Variants in RNLS observed in about 807,000 individuals in gnomAD.
The protein encoded by RNLS is renalase.
RNLS carries 39 observed loss-of-function variants against 39.8 expected under a neutral mutation model. The observed-to-expected ratio is 0.98, with a 90% CI of 0.76 to 1.28. The LOEUF (loss-of-function observed/expected upper bound fraction) is 1.28, where lower values mean the gene tolerates loss of function less well. Ranked by LOEUF, RNLS falls within the 50% of genes most tolerant of loss-of-function variation. RNLS has a pLI of 0.00. For missense variants in RNLS, 410 were observed against 413.3 expected (o/e 0.99, Z 0.07); for synonymous variants, 147 against 150.7 (o/e 0.98, Z 0.18).
At chr10:88,203,411 T>C in the RNLS span, among the ~76,000 whole-genome samples, 2 of 4,312 alleles carry the variant, frequency 4.6e-4, 1 homozygote. Context: ...TATATATATA[T>C]ACACGTATGT....
intron 4 of RNLS, among the ~76,000 whole-genome samples, chr10:88,465,054 T>C (rs956233174): frequency 1.3e-5 from 2 of 152,094 alleles, no homozygotes; most frequent in African/African-American, 2.4e-5. Context: ...GCTCACGATA[T>C]AGGCTGTTAT....
Position 88,457,864 on chromosome 10 carries a change from G to A in RNLS, c.527-95139C>T, listed in dbSNP as rs17112345. On this transcript the variant is annotated intron_variant, in intron 4 of 6. Coordinates refer to ENST00000331772, the MANE Select transcript of RNLS (RefSeq NM_001031709.3). ...TGAATGTCTTGAAGCTAGATTTGAC[G>A]TCACAGACAGCAGGCAGCACAGAGG... Among the ~76,000 whole-genome samples the A allele has an allele frequency of 7.6e-3, 1,154 of 152,252 alleles. 11 individuals carry two copies. The highest frequency in any genetic ancestry group is 0.024 in the African/African-American group (1,017 of 41,544).
chr10:88,315,911 G>T (rs1845729481), intron 5 of RNLS, among the ~76,000 whole-genome samples: 2 of 151,980 alleles, frequency 1.3e-5, no homozygotes, highest in South Asian at 4.1e-4. Context: ...CTAAGCTATG[G>T]GAATGGAAGC....
At chr10:88,206,045 C>T in the RNLS span, among the ~76,000 whole-genome samples, 1 of 152,302 alleles carries the variant, frequency 6.6e-6, no homozygotes, top group East Asian at 1.9e-4. Context: ...TTTCAGAGCA[C>T]TGGGGCTCAA....
intron 5 of RNLS, among the ~76,000 whole-genome samples, chr10:88,315,374 A>G (rs1230975234): frequency 6.6e-6 from 1 of 152,222 alleles, no homozygotes; most frequent in Non-Finnish European, 1.5e-5. Context: ...TCTGAGTTGA[A>G]AGAAACCTAA....
intron 4 of RNLS, among the ~76,000 whole-genome samples, chr10:88,544,802 T>C (rs1038832434): frequency 6.6e-6 from 1 of 152,220 alleles, no homozygotes; most frequent in African/African-American, 2.4e-5. Flanking sequence ...CAGTCTTCTT[T>C]CATGGCTTTG....
downstream of RNLS, among the ~76,000 whole-genome samples, chr10:88,269,816 A>T (rs1363637660): frequency 6.6e-6 from 1 of 152,158 alleles, no homozygotes; most frequent in Non-Finnish European, 1.5e-5. Context: ...TATAACTTCT[A>T]TGACTATAGC....
the RNLS span, among the ~76,000 whole-genome samples, chr10:88,224,901 G>A: frequency 1.3e-5 from 2 of 152,244 alleles, no homozygotes; most frequent in East Asian, 1.9e-4. Flanking sequence ...TATGAGATTG[G>A]ACATTTTATT....
At chr10:88,227,311 CAT>C in the RNLS span, among the ~76,000 whole-genome samples, 3 of 152,246 alleles carry the variant, frequency 2.0e-5, no homozygotes, top group East Asian at 1.9e-4. Context: ...TTTGTAGAAA[CAT>C]AGAACAATAT....
the RNLS span, among the ~76,000 whole-genome samples, chr10:88,189,293 T>C: frequency 5.9e-5 from 9 of 152,200 alleles, no homozygotes; most frequent in Admixed American, 5.9e-4. Flanking sequence ...TTTCCCTATG[T>C]CATTCATCTT....
At position 88,285,418 on chromosome 10, in the gene RNLS, G is replaced by T; in HGVS notation, c.965C>A (p.Ser322Tyr). The T allele has an allele frequency of 6.2e-7, 1 of 1,613,166 alleles. No individual in the cohort carries two copies. Among genetic ancestry groups the T allele is most frequent in the South Asian group, 1.1e-5 (1 of 91,040 alleles). The change falls in exon 7 of 7, where the codon TCC becomes TAC. Residue 322 changes from serine to tyrosine, a missense_variant. By Grantham distance (144) the Ser-to-Tyr change is moderately radical. Transcript: ENST00000331772. Reference protein sequence around the residue: ...LACGGDGFTQSNFDGCITSAL... With the variant: ...LACGGDGFTQYNFDGCITSAL... ...AGAAGTGATGCAGCCATCAAAGTTG[G>T]ACTGAGTAAATCCATCCCCTCCACA...
At chr10:88,199,002 C>A in the RNLS span, among the ~76,000 whole-genome samples, 1 of 152,144 alleles carries the variant, frequency 6.6e-6, no homozygotes, top group Non-Finnish European at 1.5e-5. Flanking sequence ...CTCATTCCAC[C>A]ATTTTGGCCC....
chr10:88,228,535 C>T, the RNLS span, among the ~76,000 whole-genome samples: 2 of 152,222 alleles, frequency 1.3e-5, no homozygotes, highest in East Asian at 3.8e-4. Context: ...GGAGTAGAAC[C>T]AGATATTGGT....
intron 4 of RNLS, among the ~76,000 whole-genome samples, chr10:88,550,202 A>G (rs1442007337): frequency 3.3e-5 from 5 of 152,360 alleles, no homozygotes; most frequent in African/African-American, 1.2e-4. Context: ...TCAAAGAATC[A>G]TTCTGCTAGA....
At chr10:88,357,911 G>T (rs1849312721) in intron 5 of RNLS, among the ~76,000 whole-genome samples, 1 of 152,128 alleles carries the variant, frequency 6.6e-6, no homozygotes, top group Admixed American at 6.5e-5. Context: ...TTTGAAGAAA[G>T]CTACCTATCA....
At chr10:88,412,130 G>C (rs1327611618) in intron 4 of RNLS, among the ~76,000 whole-genome samples, 1 of 152,024 alleles carries the variant, frequency 6.6e-6, no homozygotes, top group Non-Finnish European at 1.5e-5. Context: ...GTAGAATGAA[G>C]CCATGAGAGA....
rs1251071499 is a variant in RNLS at position 88,291,470 on chromosome 10, A to G, written c.877-5964T>C. 3.9e-5 allele frequency among the ~76,000 whole-genome samples: 6 copies of G among 152,270 alleles called. No individual in the cohort carries two copies. The East Asian group carries it at 1.2e-3, about 29-fold the overall frequency. On this transcript the variant is annotated intron_variant, in intron 6 of 6. Transcript: ENST00000331772. ...GCAAATTTCCCCAACTGTATCACAGATTATGGGGGTGACACAGGTGCAGCA... is the reference window on the plus strand; with the variant it reads ...GCAAATTTCCCCAACTGTATCACAGGTTATGGGGGTGACACAGGTGCAGCA...
At position 88,323,552 on chromosome 10, in the gene RNLS, C is replaced by T. The variant is rs149843511; in HGVS notation, c.701-8911G>A. Reference sequence around the variant, plus strand: ...TGTGGGGGAAAACTGGCTAGGGATACGCAGTAGAATGAAACTGGAACACCA... The same window carrying T: ...TGTGGGGGAAAACTGGCTAGGGATATGCAGTAGAATGAAACTGGAACACCA... On this transcript the variant is annotated intron_variant, in intron 5 of 6. Transcript: ENST00000331772. 3.5e-3 allele frequency among the ~76,000 whole-genome samples: 539 copies of T among 152,096 alleles called. 4 individuals are homozygous for T. The highest frequency in any genetic ancestry group is 0.011 in the African/African-American group (468 of 41,502).
At chr10:88,572,804 T>C in intron 4 of RNLS, 99 bp downstream of exon 4, 1 of 1,224,652 alleles carries the variant, frequency 8.2e-7, no homozygotes, top group African/African-American at 1.5e-5. Context: ...ATCAATAGAG[T>C]CTATCACTTG....
Sources: gnomAD v4.1 joint callset for allele counts (sites outside exome capture counted in the v4.1 genomes callset) on GRCh38, gnomAD v4.1.1 for gene constraint, MANE v1.5 for transcripts, NCBI Gene and HGNC (gene_info 2026-07-23, HGNC 2026-07-21) for gene names.